PPFIA2: variants seen among roughly 807,000 people sequenced by gnomAD.
PPFIA2 encodes the protein liprin-alpha-2.
A neutral mutation model predicts 175.5 loss-of-function variants in PPFIA2; 46 were observed. That is an observed-to-expected ratio of 0.26 (90% CI 0.21 to 0.34). The LOEUF is 0.34. Among genes scored for constraint, PPFIA2 ranks in the 10% least tolerant of loss-of-function variants. The pLI is 1.00. For synonymous variants in PPFIA2, 568 were observed against 511.4 expected (o/e 1.11, Z -1.49); for missense variants, 1,179 against 1,506.1 (o/e 0.78, Z 3.60).
At chr12:81,732,055 G>C (rs1007215363) in intron 3 of PPFIA2, among the ~76,000 whole-genome samples, 3 of 151,558 alleles carry the variant, frequency 2.0e-5, no homozygotes, top group African/African-American at 7.3e-5. Context: ...ATATAACATG[G>C]ACTGTGACAA....
intron 3 of PPFIA2, among the ~76,000 whole-genome samples, chr12:81,747,652 C>T (rs1597173635): frequency 7.0e-6 from 1 of 142,928 alleles, no homozygotes; most frequent in African/African-American, 2.5e-5. Context: ...TTCCTCATAA[C>T]GATCTTATGA....
chr12:81,566,530 C>CAAAAAAAACAA (rs2071329076), intron 4 of PPFIA2, among the ~76,000 whole-genome samples: 1 of 68,458 alleles, frequency 1.5e-5, no homozygotes. Context: ...GACTCCAACT[C>CAAAAAAAACAA]AAAAAAAAAA....
In PPFIA2 at chr12:81,511,933, G is replaced by GA. The variant is rs1050125635; in HGVS notation, c.304-54068dup. Among the ~76,000 whole-genome samples, 804 of 142,074 alleles carry GA rather than the reference G, an allele frequency of 5.7e-3. 4 individuals are homozygous for GA. Among genetic ancestry groups the GA allele is most frequent in the African/African-American group, 0.015 (593 of 38,898 alleles). 93.2% of individuals were successfully genotyped at this position (142,074 alleles called of 152,430 possible). On this transcript the variant is annotated intron_variant, in intron 4 of 32. Coordinates refer to ENST00000549396, the MANE Select transcript of PPFIA2 (RefSeq NM_003625.5). ...GTAGAATGTTTCTGTTTGTTAATTT[G>GA]AAAAAAAAAAAGATAATAGTCTAAC...
At chr12:81,747,681 T>A (rs1428052320) in intron 3 of PPFIA2, among the ~76,000 whole-genome samples, 1 of 144,294 alleles carries the variant, frequency 6.9e-6, no homozygotes, top group African/African-American at 2.4e-5. Context: ...CTATTATTAT[T>A]TGAAGTAAGC....
intron 3 of PPFIA2, among the ~76,000 whole-genome samples, chr12:81,711,233 A>T (rs1253097190): frequency 6.6e-6 from 1 of 151,368 alleles, no homozygotes; most frequent in Non-Finnish European, 1.5e-5. Context: ...GTCTCAAAAA[A>T]TAAAAATAAA....
rs1265089209 is a variant in PPFIA2 at position 81,594,458 on chromosome 12, C to T, written c.303+82333G>A. ...TTCTATGGGCCCAGGAGATAAAATG[C>T]CTTCTATCAGAAATTATTCCTTTGG... On this transcript the variant is annotated intron_variant, in intron 4 of 32. Coordinates refer to ENST00000549396, the MANE Select transcript of PPFIA2 (RefSeq NM_003625.5). Among the ~76,000 whole-genome samples, 5 of 152,060 alleles carry T rather than the reference C, an allele frequency of 3.3e-5. No homozygotes were observed. The East Asian group carries it at 9.6e-4, about 29-fold the overall frequency.
At chr12:81,553,418 A>G (rs1594860335) in intron 4 of PPFIA2, among the ~76,000 whole-genome samples, 2 of 152,164 alleles carry the variant, frequency 1.3e-5, no homozygotes, top group Non-Finnish European at 2.9e-5. Context: ...TCCTACTCCC[A>G]TCAAGATGAA....
At chr12:81,288,678 AGTGTTTTTTACTTT>A (rs2044099027) in intron 24 of PPFIA2, among the ~76,000 whole-genome samples, 1 of 151,754 alleles carries the variant, frequency 6.6e-6, no homozygotes, top group African/African-American at 2.4e-5. Flanking sequence ...GGTCATTTAA[AGTGTTTTTTACTTT>A]GTAATGGAAT....
intron 32 of PPFIA2, chr12:81,260,914 C>T (rs2035262853): frequency 6.6e-6 from 1 of 152,056 alleles, no homozygotes; most frequent in South Asian, 2.1e-4. Flanking sequence ...AAATTATGAA[C>T]ATTTGACATT....
intron 3 of PPFIA2, among the ~76,000 whole-genome samples, chr12:81,752,587 G>C (rs1005693571): frequency 2.0e-5 from 3 of 152,164 alleles, no homozygotes; most frequent in African/African-American, 7.2e-5. Context: ...TAGAATGGCA[G>C]TTATTCACAC....
intron 4 of PPFIA2, among the ~76,000 whole-genome samples, chr12:81,672,043 G>T (rs2071522258): frequency 6.6e-6 from 1 of 151,792 alleles, no homozygotes; most frequent in Admixed American, 6.6e-5. Context: ...ACTGTGTATT[G>T]ATTATCAGTG....
chr12:81,438,657 T>C (rs1241855231), intron 7 of PPFIA2, among the ~76,000 whole-genome samples: 1 of 152,088 alleles, frequency 6.6e-6, no homozygotes, highest in Non-Finnish European at 1.5e-5. Flanking sequence ...TTTTTATAAA[T>C]CTATTTATAT....
intron 14 of PPFIA2, among the ~76,000 whole-genome samples, chr12:81,365,038 C>T (rs1320956433): frequency 6.6e-6 from 1 of 151,670 alleles, no homozygotes; most frequent in East Asian, 1.9e-4. Context: ...TATATAAACT[C>T]TCTCAGGGAA....
chr12:81,264,510 G>A (rs2036611059), intron 30 of PPFIA2, among the ~76,000 whole-genome samples: 2 of 151,930 alleles, frequency 1.3e-5, no homozygotes, highest in African/African-American at 2.4e-5. Flanking sequence ...TATATGTTGT[G>A]TATCCTAATA....
At chr12:81,448,596 T>A (rs968609850) in intron 5 of PPFIA2, among the ~76,000 whole-genome samples, 2 of 152,210 alleles carry the variant, frequency 1.3e-5, no homozygotes, top group Admixed American at 6.5e-5. Flanking sequence ...TATCTCCTAT[T>A]TTTCTTCTTG....
chr12:81,293,977 G>A (rs1476707570), intron 24 of PPFIA2, among the ~76,000 whole-genome samples: 1 of 152,036 alleles, frequency 6.6e-6, no homozygotes. Flanking sequence ...ATAAACTAAT[G>A]TCTTTTGTAG....
At chr12:81,396,250 A>C (rs893968999) in intron 8 of PPFIA2, among the ~76,000 whole-genome samples, 4 of 152,114 alleles carry the variant, frequency 2.6e-5, no homozygotes, top group African/African-American at 7.2e-5. Flanking sequence ...CCTGAGCTTC[A>C]TCAGGAATAA....
At chr12:81,402,221 T>C (rs17008492) in intron 8 of PPFIA2, among the ~76,000 whole-genome samples, 28,741 of 152,116 alleles carry the variant, frequency 0.19, 2,813 homozygotes, top group Middle Eastern at 0.23. Context: ...ATAATAGTTT[T>C]ACATTTTTGT....
chr12:81,512,367 A>G, intron 4 of PPFIA2: 6 of 1,288,348 alleles, frequency 4.7e-6, no homozygotes, highest in Non-Finnish European at 6.1e-6. Context: ...CAAATTACTT[A>G]CATTCTCTGA....
Sources: gnomAD v4.1 joint callset for allele counts (sites outside exome capture counted in the v4.1 genomes callset) on GRCh38, gnomAD v4.1.1 for gene constraint, MANE v1.5 for transcripts, NCBI Gene and HGNC (gene_info 2026-07-23, HGNC 2026-07-21) for gene names.